DLC1: variants seen among roughly 807,000 people sequenced by gnomAD.
DLC1 encodes the protein rho GTPase-activating protein 7.
DLC1 carries 54 observed loss-of-function variants against 140.3 expected under a neutral mutation model. The ratio of observed to expected loss-of-function variants is 0.38; its 90% CI spans 0.31 to 0.48. The LOEUF is 0.48. Among genes scored for constraint, DLC1 ranks in the 20% least tolerant of loss-of-function variants. DLC1 has a pLI of 0.96. For synonymous variants in DLC1, 986 were observed against 728.1 expected (o/e 1.35, Z -5.70); for missense variants, 2,536 against 1,907.0 (o/e 1.33, Z -6.14).
At chr8:13,543,137 T>C (rs1164905675) in intron 1 of DLC1, among the ~76,000 whole-genome samples, 3 of 152,180 alleles carry the variant, frequency 2.0e-5, no homozygotes, top group Non-Finnish European at 4.4e-5. Context: ...TTGCATATTG[T>C]TGGTATTTAG....
rs377174551 is a variant in DLC1, at chr8:13,187,333, G to A, written c.1349-71676C>T. Among the ~76,000 whole-genome samples the A allele has an allele frequency of 9.2e-5, 14 of 152,188 alleles. No homozygotes were observed. In the East Asian group the frequency reaches 2.5e-3, roughly 27 times the overall value. The stretch of plus-strand genomic sequence containing the variant: ...TAAGAAAATAATCGGCATATAATAG[G>A]TGCTCAATAGATATTTGTTGAATGA... On this transcript the variant is annotated intron_variant, in intron 5 of 17. Transcript: ENST00000276297.
chr8:13,134,483 G>C (rs1822405486), intron 5 of DLC1, among the ~76,000 whole-genome samples: 1 of 152,200 alleles, frequency 6.6e-6, no homozygotes. Context: ...GTCTGATGGA[G>C]ATACATAAAG....
chr8:13,410,463 T>C (rs984608729), intron 2 of DLC1, among the ~76,000 whole-genome samples: 6 of 151,974 alleles, frequency 3.9e-5, no homozygotes, highest in African/African-American at 1.4e-4. Context: ...AAGAGAATAA[T>C]ACGAAAATCT....
At chr8:13,394,905 G>C (rs1409787623) in intron 3 of DLC1, among the ~76,000 whole-genome samples, 1 of 151,924 alleles carries the variant, frequency 6.6e-6, no homozygotes, top group Non-Finnish European at 1.5e-5. Context: ...CCTCAGAGAA[G>C]CATCCGTTGA....
At chr8:13,206,020 T>A (rs1827647628) in intron 5 of DLC1, among the ~76,000 whole-genome samples, 1 of 152,150 alleles carries the variant, frequency 6.6e-6, no homozygotes, top group African/African-American at 2.4e-5. Context: ...AAGTGAACCT[T>A]GACCTAGAGG....
At chr8:13,544,518 C>T (rs1298686776) in intron 1 of DLC1, among the ~76,000 whole-genome samples, 2 of 152,072 alleles carry the variant, frequency 1.3e-5, no homozygotes, top group Non-Finnish European at 2.9e-5. Flanking sequence ...TGAGAGCCTA[C>T]AGCGTGAGGG....
At position 13,099,505 on chromosome 8, in the gene DLC1, C is replaced by T; in HGVS notation, c.2832G>A (p.Pro944=). The change falls in exon 9 of 18, where the codon CCG becomes CCA. Residue 944 remains proline (P), a synonymous_variant. Transcript: ENST00000276297. ...DSALDSVSPC[P]SSPKQIHLDV... ...CCAGGTGTATCTGTTTTGGAGAGGA[C>T]GGGCAGGGAGAGACCGAGTCCAGGG... 1 of 1,614,144 alleles carries T rather than the reference C, an allele frequency of 6.2e-7. No homozygotes were observed. The highest frequency in any genetic ancestry group is 2.2e-5 in the East Asian group (1 of 44,872).
At position 13,499,456 on chromosome 8, in the gene DLC1, G is replaced by A. The variant is rs556167966; in HGVS notation, c.616C>T (p.Pro206Ser). Residue 206 changes from proline (P) to serine (S), a missense_variant, in exon 2 of 18, where the codon CCC (proline) becomes TCC (serine). Physicochemically the swap from Pro to Ser is moderately conservative, Grantham distance 74. Coordinates refer to ENST00000276297, the MANE Select transcript of DLC1 (RefSeq NM_182643.3). ...EISLSEIKDA[P>S]KVNAVDTLNV... ...AAAGTATCCACTGCATTTACTTTGG[G>A]TGCATCTTTTATTTCACTTAAGCTT... 17 of 1,613,974 alleles carry A rather than the reference G, an allele frequency of 1.1e-5. No homozygotes were observed. In the East Asian group the frequency reaches 2.9e-4, roughly 28 times the overall value.
At chr8:13,567,767 G>A in intron 1 of DLC1, 2 of 1,551,962 alleles carry the variant, frequency 1.3e-6, no homozygotes, top group East Asian at 2.4e-5. Flanking sequence ...GATGACCCCA[G>A]AATAATCTGG....
At chr8:13,327,138 T>TG (rs1441040832) in intron 4 of DLC1, among the ~76,000 whole-genome samples, 4 of 140,184 alleles carry the variant, frequency 2.9e-5, no homozygotes, top group Non-Finnish European at 4.5e-5. Flanking sequence ...TTTTTTTTTT[T>TG]TTTTTTTTGT....
At chr8:13,229,584 T>C (rs1179381311) in intron 5 of DLC1, among the ~76,000 whole-genome samples, 3 of 151,882 alleles carry the variant, frequency 2.0e-5, no homozygotes, top group African/African-American at 7.3e-5. Flanking sequence ...TTTTAGTATA[T>C]AAATTATAAT....
rs187133041 is a variant in DLC1 at position 13,499,032 on chromosome 8, C to T, written c.1023+17G>A. On this transcript the variant is annotated intron_variant, in intron 2 of 17. Coordinates refer to ENST00000276297, the MANE Select transcript of DLC1 (RefSeq NM_182643.3). Reference sequence around the variant, plus strand: ...TACAAAATTTCAAAAGCCAGAGAATCTGTGCATATGTCTTACCTTTCTCTT... The same window carrying T: ...TACAAAATTTCAAAAGCCAGAGAATTTGTGCATATGTCTTACCTTTCTCTT... 4 of 1,557,804 alleles carry T rather than the reference C, an allele frequency of 2.6e-6. No individual in the cohort carries two copies. In the East Asian group the frequency reaches 9.0e-5, roughly 35 times the overall value.
At chr8:13,187,452 G>T (rs1003096164) in intron 5 of DLC1, among the ~76,000 whole-genome samples, 1 of 152,092 alleles carries the variant, frequency 6.6e-6, no homozygotes, top group African/African-American at 2.4e-5. Context: ...TCAGATTTTA[G>T]TATGGTATCT....
At chr8:13,495,053 A>G (rs770405780) in intron 2 of DLC1, among the ~76,000 whole-genome samples, 1 of 152,228 alleles carries the variant, frequency 6.6e-6, no homozygotes, top group Non-Finnish European at 1.5e-5. Context: ...ATGTAGAATT[A>G]GGTGTCTTCT....
At chr8:13,382,234 G>A (rs900386048) in intron 4 of DLC1, among the ~76,000 whole-genome samples, 3 of 152,128 alleles carry the variant, frequency 2.0e-5, no homozygotes, top group South Asian at 2.1e-4. Flanking sequence ...GAGGCCGGGC[G>A]CGGTGGCTCA....
chr8:13,551,486 C>G (rs1803849475), intron 1 of DLC1, among the ~76,000 whole-genome samples: 1 of 152,032 alleles, frequency 6.6e-6, no homozygotes, highest in Non-Finnish European at 1.5e-5. Flanking sequence ...CTCTTTCCCT[C>G]CAACCTCTTT....
intron 1 of DLC1, among the ~76,000 whole-genome samples, chr8:13,585,001 A>G (rs1167075120): frequency 6.6e-6 from 1 of 152,166 alleles, no homozygotes. Flanking sequence ...AAAATAATTC[A>G]TTTATTCACT....
At chr8:13,271,753 T>C (rs1315973904) in intron 5 of DLC1, among the ~76,000 whole-genome samples, 1 of 152,196 alleles carries the variant, frequency 6.6e-6, no homozygotes, top group Non-Finnish European at 1.5e-5. Flanking sequence ...GGCATGATCA[T>C]AGCTCACTGT....
At chr8:13,314,341 T>C (rs1832786983) in intron 4 of DLC1, among the ~76,000 whole-genome samples, 1 of 149,116 alleles carries the variant, frequency 6.7e-6, no homozygotes, top group South Asian at 2.1e-4. Flanking sequence ...ATATGTGTAA[T>C]ATACATGTAA....
Sources: allele counts gnomAD v4.1 joint callset (sites outside exome capture counted in the v4.1 genomes callset), GRCh38; gene constraint gnomAD v4.1.1; transcripts MANE v1.5; gene names NCBI Gene and HGNC (gene_info 2026-07-23, HGNC 2026-07-21).